PARVG: variants seen among roughly 807,000 people sequenced by gnomAD.
PARVG encodes the protein gamma-parvin.
A neutral mutation model predicts 44.4 loss-of-function variants in PARVG; 36 were observed. The ratio of observed to expected loss-of-function variants is 0.81; its 90% CI spans 0.62 to 1.07. The LOEUF (loss-of-function observed/expected upper bound fraction) is 1.07, where lower values mean the gene tolerates loss of function less well. PARVG is among the 50% of genes least tolerant of loss of function. The probability of loss-of-function intolerance (pLI) is 0.00; values close to 1 mark genes in which losing one functional copy is unlikely to be tolerated. For synonymous variants in PARVG, 170 were observed against 174.1 expected (o/e 0.98, Z 0.19); for missense variants, 407 against 407.4 (o/e 1.00, Z 0.01).
chr22:44,186,026 G>A (rs567309805), intron 4 of PARVG, 154 bp downstream of exon 4: 2 of 545,242 alleles, frequency 3.7e-6, no homozygotes, highest in South Asian at 1.9e-5. Context: ...CTGTTGAATG[G>A]AGCAAGTCAC....
intron 6 of PARVG, among the ~76,000 whole-genome samples, chr22:44,190,257 AG>A (rs1308350063): frequency 6.6e-6 from 1 of 152,200 alleles, no homozygotes; most frequent in Non-Finnish European, 1.5e-5. Context: ...GCCTTCCCAG[AG>A]GTCACTTGGT....
chr22:44,194,327 C>T (rs2054589210), intron 9 of PARVG, among the ~76,000 whole-genome samples: 1 of 152,218 alleles, frequency 6.6e-6, no homozygotes, highest in Non-Finnish European at 1.5e-5. Flanking sequence ...GAGCTGTTCA[C>T]CAATCAGTTG....
intron 9 of PARVG, among the ~76,000 whole-genome samples, chr22:44,195,871 C>T (rs1181314128): frequency 6.6e-6 from 1 of 152,178 alleles, no homozygotes; most frequent in Non-Finnish European, 1.5e-5. Flanking sequence ...ACTGTGTGCC[C>T]AGTCACTGTG....
rs2054555333 is a variant in PARVG at position 44,192,050 on chromosome 22, G to A, written c.506G>A (p.Ser169Asn). Residue 169 changes from serine (S) to asparagine (N), a missense_variant and splice_region_variant, in exon 8 of 14, where the codon AGC (serine) becomes AAC (asparagine). Physicochemically the swap from Ser to Asn is conservative, Grantham distance 46 (BLOSUM62 1). Coordinates refer to ENST00000444313, the MANE Select transcript of PARVG (RefSeq NM_022141.7). ...TTCTTCCCCCTTTATTTTTCTTAGAGCACCAAAAGTGGTCTGAAGTCAGAG... is the reference window on the plus strand; with the variant it reads ...TTCTTCCCCCTTTATTTTTCTTAGAACACCAAAAGTGGTCTGAAGTCAGAG... ...NVQVEVITIE[S>N]TKSGLKSEKL... is the part of the protein sequence containing the mutation. The A allele has an allele frequency of 1.2e-6, 2 of 1,613,014 alleles. No homozygotes were observed. Among genetic ancestry groups the A allele is most frequent in the Non-Finnish European group, 1.7e-6 (2 of 1,179,562 alleles).
At chr22:44,181,504 C>A in intron 1 of PARVG, 2 of 699,396 alleles carry the variant, frequency 2.9e-6, no homozygotes, top group Non-Finnish European at 3.5e-6. Flanking sequence ...TTGCGGGGGT[C>A]GACCCCAGGC....
rs571572384 is a variant in PARVG at position 44,189,058 on chromosome 22, G to A, written c.248-56G>A. 1.9e-6 allele frequency: 3 copies of A among 1,609,726 alleles called. No individual in the cohort carries two copies. The East Asian group carries it at 6.7e-5, about 36-fold the overall frequency. ...GCTCAGCCTCCTGGAGGGTCCCTGA[G>A]GTGCTCTCTGGTCTGTCCCCGGCCA... On this transcript the variant is annotated intron_variant, in intron 5 of 13. Transcript: ENST00000444313.
At position 44,190,667 on chromosome 22, in the gene PARVG, G is replaced by A; in HGVS notation, c.504+1G>A. On this transcript the variant is annotated splice_donor_variant, in intron 7 of 13. Transcript: ENST00000444313. LOFTEE classifies it high-confidence loss of function. The stretch of plus-strand genomic sequence containing the variant: ...CCAGGTGGAGGTCATCACTATCGAG[G>A]TAGCAGCCTGGGCCCCAGGGATTTG... 1 of 1,605,416 alleles carries A rather than the reference G, an allele frequency of 6.2e-7. No homozygotes were observed. Among genetic ancestry groups the A allele is most frequent in the Non-Finnish European group, 8.5e-7 (1 of 1,171,962 alleles).
chr22:44,196,030 T>G, intron 9 of PARVG, 125 bp from the exon 10 acceptor site: 2 of 975,814 alleles, frequency 2.0e-6, no homozygotes, highest in Non-Finnish European at 3.1e-6. Flanking sequence ...TTGAGAACCA[T>G]GATGTAAAAC....
At chr22:44,193,473 C>T (rs539952308) in intron 8 of PARVG, among the ~76,000 whole-genome samples, 87 of 152,266 alleles carry the variant, frequency 5.7e-4, no homozygotes, top group African/African-American at 2.0e-3. Flanking sequence ...ATGTGTAAAA[C>T]GCACAAGCTG....
chr22:44,179,235 C>T (rs1474012671), upstream of PARVG, among the ~76,000 whole-genome samples: 2 of 152,006 alleles, frequency 1.3e-5, no homozygotes, highest in African/African-American at 2.4e-5. This position sits in a 1 kb window ranked among gnomAD's most constrained non-coding sequence, Gnocchi z 4.2. Flanking sequence ...TCTTAGAGTC[C>T]CTCTCTTCCC....
intron 12 of PARVG, among the ~76,000 whole-genome samples, chr22:44,202,737 T>C (rs1305464078): frequency 1.3e-5 from 2 of 152,258 alleles, no homozygotes; most frequent in Non-Finnish European, 1.5e-5. Flanking sequence ...GGAATTGTTA[T>C]CTTGGCAGAG....
intron 12 of PARVG, among the ~76,000 whole-genome samples, chr22:44,200,469 T>C (rs2147238356): frequency 6.6e-6 from 1 of 152,274 alleles, no homozygotes; most frequent in Admixed American, 6.5e-5. Context: ...GGACATGTGG[T>C]CCCTAGTATC....
intron 11 of PARVG, among the ~76,000 whole-genome samples, chr22:44,198,354 C>T (rs1364044717): frequency 2.0e-5 from 3 of 152,188 alleles, no homozygotes; most frequent in South Asian, 4.1e-4. Flanking sequence ...TGTGGAAGAG[C>T]GTGCTGTTTA....
At chr22:44,200,609 C>T (rs896482357) in intron 12 of PARVG, among the ~76,000 whole-genome samples, 2 of 152,204 alleles carry the variant, frequency 1.3e-5, no homozygotes, top group African/African-American at 2.4e-5. Context: ...CCAGGGTTCC[C>T]GTGGCCTGGG....
intron 3 of PARVG, 152 bp from the exon 4 acceptor site, chr22:44,185,656 G>A (rs1030945289): frequency 2.6e-5 from 16 of 608,398 alleles, no homozygotes; most frequent in African/African-American, 5.6e-5. Context: ...GCTGGTGTTC[G>A]TGAGGGAAAT....
intron 4 of PARVG, chr22:44,187,388 A>C: frequency 3.9e-6 from 1 of 257,472 alleles, no homozygotes; most frequent in Non-Finnish European, 7.6e-6. Context: ...TAACATCCAT[A>C]TTTCTACTGA....
At chr22:44,183,868 C>T (rs1330994501) in intron 3 of PARVG, 23 of 376,082 alleles carry the variant, frequency 6.1e-5, no homozygotes, top group South Asian at 1.4e-4. Context: ...AGGTTCCACA[C>T]GGACCACGCA....
chr22:44,192,243 T>C (rs2147229444), intron 8 of PARVG, 139 bp downstream of exon 8: 1 of 948,398 alleles, frequency 1.1e-6, no homozygotes, highest in Non-Finnish European at 1.6e-6. Flanking sequence ...GACCCGAAAA[T>C]GCTGCGCTGA....
chr22:44,183,505 C>A, intron 3 of PARVG, 97 bp downstream of exon 3: 1 of 1,213,992 alleles, frequency 8.2e-7, no homozygotes, highest in Non-Finnish European at 1.1e-6. Flanking sequence ...TCCCAGCTGT[C>A]AGCTGAGCGC....
Sources: allele counts gnomAD v4.1 joint callset (sites outside exome capture counted in the v4.1 genomes callset), GRCh38; gene constraint gnomAD v4.1.1; non-coding constraint Gnocchi (gnomAD v3.1); transcripts MANE v1.5; gene names NCBI Gene and HGNC (gene_info 2026-07-23, HGNC 2026-07-21).